GRTP1: variants seen among roughly 807,000 people sequenced by gnomAD.
The protein encoded by GRTP1 is growth hormone regulated TBC protein 1.
In GRTP1, 56 loss-of-function variants were observed where a neutral mutation model predicts 38.1. The ratio of observed to expected loss-of-function variants is 1.47; its 90% confidence interval spans 1.19 to 1.84. The LOEUF (loss-of-function observed/expected upper bound fraction) is 1.84. Among genes scored for constraint, GRTP1 ranks in the 40% most tolerant of loss-of-function variants. The pLI is 0.00. For missense variants in GRTP1, 506 were observed against 453.9 expected, an observed-to-expected ratio of 1.11 and a Z score of -1.04; for synonymous variants, 217 against 189.5, an observed-to-expected ratio of 1.14 and a Z score of -1.19.
At chr13:113,350,160 G>T (rs556043268) in intron 4 of GRTP1, among the ~76,000 whole-genome samples, 1 of 152,096 alleles carries the variant, frequency 6.6e-6, no homozygotes, top group East Asian at 1.9e-4. Flanking sequence ...CCAGCGACAG[G>T]CCCAGGCAGG....
At chr13:113,345,413 A>G (rs1355157570) in intron 4 of GRTP1, among the ~76,000 whole-genome samples, 1 of 152,234 alleles carries the variant, frequency 6.6e-6, no homozygotes, top group East Asian at 1.9e-4. Context: ...CCCTTTTGGG[A>G]AATCCACGTG....
intron 5 of GRTP1, among the ~76,000 whole-genome samples, chr13:113,335,102 A>G (rs1422605776): frequency 4.3e-4 from 3 of 6,934 alleles, no homozygotes; most frequent in South Asian, 0.033. Context: ...GATTACAGGC[A>G]TGAGCACCAT....
At chr13:113,354,929 TATG>T (rs1401145829) in intron 3 of GRTP1, among the ~76,000 whole-genome samples, 5 of 152,188 alleles carry the variant, frequency 3.3e-5, no homozygotes, top group Non-Finnish European at 7.3e-5. Flanking sequence ...GTCCAGCAAT[TATG>T]ATAACCAGAT....
Position 113,364,046 on chromosome 13 carries a change from C to G in GRTP1, c.6G>C (p.Gln2His), listed in dbSNP as rs991084942. M[Q>H]PAERSRVPRI... ...TGGGGACCCGCGAGCGCTCGGCGGG[C>G]TGCATGCGGGGAGGGAGGCGCGCAC... Residue 2 changes from glutamine to histidine, a missense_variant, in exon 1 of 8, where the codon CAG (glutamine) becomes CAC (histidine). Gln to His is a conservative substitution (Grantham distance 24, BLOSUM62 0). Transcript: ENST00000375431. The G allele has an allele frequency of 1.4e-5, 18 of 1,289,762 alleles. No homozygotes were observed. Among genetic ancestry groups the G allele is most frequent in the Non-Finnish European group, 1.7e-5 (17 of 1,024,060 alleles). 79.9% of individuals were successfully genotyped at this position (1,289,762 alleles called of 1,614,324 possible). A position where few individuals can be genotyped will look rare whatever the true frequency, so the allele number is the denominator to read the frequency against.
chr13:113,355,250 C>T lies in GRTP1; in HGVS notation c.340+73G>A, dbSNP rs901421227. 10 of 1,526,452 alleles carry T rather than the reference C, an allele frequency of 6.6e-6. No individual in the cohort carries two copies. The African/African-American group carries it at 1.4e-4, about 21-fold the overall frequency. The allele number at this position is 1,526,452 out of a possible 1,614,324, so 94.6% of individuals were successfully genotyped here. On this transcript the variant is annotated intron_variant, in intron 3 of 7. Transcript: ENST00000375431. Reference sequence around the variant, plus strand: ...CACCGCTCACCCCTGGACGCTGAGGCTAGACACTGGGTGGAAACCGGTTCC... The same window carrying T: ...CACCGCTCACCCCTGGACGCTGAGGTTAGACACTGGGTGGAAACCGGTTCC...
intron 5 of GRTP1, among the ~76,000 whole-genome samples, chr13:113,340,617 T>C (rs1566424139): frequency 6.6e-6 from 1 of 151,994 alleles, no homozygotes; most frequent in African/African-American, 2.4e-5. Flanking sequence ...CCGTCCTTAC[T>C]ACAAATACAA....
intron 5 of GRTP1, among the ~76,000 whole-genome samples, chr13:113,335,246 A>C (rs764373440): frequency 9.9e-5 from 15 of 152,014 alleles, no homozygotes; most frequent in Non-Finnish European, 1.6e-4. Flanking sequence ...CAGGCATTCA[A>C]TGTGTCATGA....
chr13:113,336,298 GTTTTT>G (rs67179331), intron 5 of GRTP1, among the ~76,000 whole-genome samples: 57 of 20,998 alleles, frequency 2.7e-3, no homozygotes, highest in African/African-American at 3.2e-3. Flanking sequence ...GAATAAGGTA[GTTTTT>G]TTTTTTTTTT....
intron 2 of GRTP1, among the ~76,000 whole-genome samples, chr13:113,358,624 A>G (rs1345640574): frequency 1.3e-5 from 2 of 152,232 alleles, no homozygotes; most frequent in East Asian, 3.8e-4. Flanking sequence ...AAATGAAATA[A>G]TGGGATATGA....
At chr13:113,357,570 C>A (rs1566442849) in intron 2 of GRTP1, among the ~76,000 whole-genome samples, 1 of 151,836 alleles carries the variant, frequency 6.6e-6, no homozygotes, top group African/African-American at 2.4e-5. Context: ...ACACTGCTTA[C>A]AGGAACATGA....
chr13:113,363,009 G>A (rs530211864), intron 2 of GRTP1, among the ~76,000 whole-genome samples: 4 of 152,320 alleles, frequency 2.6e-5, no homozygotes, highest in African/African-American at 9.6e-5. Flanking sequence ...TCCGTTGCAG[G>A]GAGGAAGGGT....
chr13:113,350,280 C>T (rs1333070333), intron 4 of GRTP1, among the ~76,000 whole-genome samples: 3 of 152,088 alleles, frequency 2.0e-5, no homozygotes, highest in Admixed American at 6.6e-5. Context: ...TAGGTGGCCT[C>T]CGGGAGGCGC....
intron 5 of GRTP1, among the ~76,000 whole-genome samples, chr13:113,337,673 C>A (rs7327428): frequency 0.97 from 148,018 of 152,342 alleles, 72,028 homozygotes; most frequent in Non-Finnish European, 1. Flanking sequence ...GGTGACTCAG[C>A]GCAATCTGAT....
chr13:113,361,520 G>A (rs1216257706), intron 2 of GRTP1: 1 of 152,176 alleles, frequency 6.6e-6, no homozygotes, highest in Non-Finnish European at 1.5e-5. Flanking sequence ...TGTGTTTTCT[G>A]TAAAAACAAA....
chr13:113,345,212 C>A (rs1289262137), intron 4 of GRTP1, among the ~76,000 whole-genome samples: 7 of 152,206 alleles, frequency 4.6e-5, no homozygotes, highest in African/African-American at 1.7e-4. Flanking sequence ...ATACTAAAAT[C>A]AAAGACTCTT....
chr13:113,326,679 A>G (rs2042779456), intron 5 of GRTP1, among the ~76,000 whole-genome samples: 2 of 132,400 alleles, frequency 1.5e-5, no homozygotes, highest in Admixed American at 1.4e-4. Context: ...TCAAAAAAAC[A>G]AACAAACAAA....
chr13:113,335,010 C>G (rs935909862), intron 5 of GRTP1, among the ~76,000 whole-genome samples: 7 of 151,550 alleles, frequency 4.6e-5, no homozygotes, highest in Non-Finnish European at 7.4e-5. Flanking sequence ...TTTTAGTAGA[C>G]ACGGGGTTTC....
At chr13:113,324,932 T>A (rs547442626) in intron 7 of GRTP1, 1 of 579,588 alleles carries the variant, frequency 1.7e-6, no homozygotes, top group Non-Finnish European at 2.2e-6. Flanking sequence ...GTTCAAGTGA[T>A]TCTCGTGCCT....
intron 5 of GRTP1, among the ~76,000 whole-genome samples, chr13:113,337,416 G>A (rs576662896): frequency 3.0e-4 from 46 of 152,206 alleles, no homozygotes; most frequent in Non-Finnish European, 5.0e-4. Flanking sequence ...CTTGAATTCA[G>A]CAATTTGTTA....
Sources: allele counts gnomAD v4.1 joint callset (sites outside exome capture counted in the v4.1 genomes callset), GRCh38; gene constraint gnomAD v4.1.1; transcripts MANE v1.5; gene names NCBI Gene and HGNC (gene_info 2026-07-23, HGNC 2026-07-21).